Variants in SCN4B observed in about 807,000 individuals in gnomAD.
The protein encoded by SCN4B is sodium voltage-gated channel beta subunit 4.
In SCN4B, 20 loss-of-function variants were observed where a neutral mutation model predicts 19.6. That is an observed-to-expected ratio of 1.02 (90% confidence interval 0.72 to 1.48). SCN4B has a LOEUF of 1.48. SCN4B is among the 40% of genes most tolerant of loss of function. The pLI is 0.00. For synonymous variants in SCN4B, 127 were observed against 122.8 expected (o/e 1.03, Z -0.22); for missense variants, 271 against 287.5 (o/e 0.94, Z 0.42).
intron 1 of SCN4B, among the ~76,000 whole-genome samples, chr11:118,151,716 A>G (rs939739652): frequency 6.6e-6 from 1 of 152,216 alleles, no homozygotes; most frequent in Non-Finnish European, 1.5e-5. Flanking sequence ...AATCTGACCA[A>G]TATAAACAGG....
rs1173559221 is a variant in SCN4B at position 118,136,396 on chromosome 11, G to C, written c.*631C>G. ...GACCAGGGTGGCCAGCCCTGGTTGA[G>C]AGGGCTTAAAAACTCTGAGCAGGGG... On this transcript the variant is annotated 3_prime_UTR_variant, in exon 5 of 5. Coordinates refer to ENST00000324727, the MANE Select transcript of SCN4B (RefSeq NM_174934.4). 6.6e-6 allele frequency: 3 copies of C among 453,598 alleles called. No individual in the cohort carries two copies. Among genetic ancestry groups the C allele is most frequent in the Admixed American group, 2.4e-5 (1 of 42,536 alleles). The allele number at this position is 453,598 out of a possible 1,614,324, so 28.1% of individuals were successfully genotyped here.
At chr11:118,151,592 A>G (rs1202605276) in intron 1 of SCN4B, among the ~76,000 whole-genome samples, 1 of 152,234 alleles carries the variant, frequency 6.6e-6, no homozygotes, top group Non-Finnish European at 1.5e-5. Context: ...ATCTGCACAC[A>G]GTTTACATTC....
rs930389846 is a variant in SCN4B at position 118,133,714 on chromosome 11, T to C, written c.*3313A>G. The C allele has an allele frequency of 2.2e-6, 1 of 454,546 alleles. No individual in the cohort carries two copies. Among genetic ancestry groups the C allele is most frequent in the Non-Finnish European group, 4.4e-6 (1 of 226,782 alleles). 28.2% of individuals were successfully genotyped at this position (454,546 alleles called of 1,614,324 possible). A position where few individuals can be genotyped will look rare whatever the true frequency, so the allele number is the denominator to read the frequency against. On this transcript the variant is annotated 3_prime_UTR_variant, in exon 5 of 5. Coordinates refer to ENST00000324727, the MANE Select transcript of SCN4B (RefSeq NM_174934.4). The stretch of plus-strand genomic sequence containing the variant: ...GACTCCAACCTGGGACAAAGTAAAG[T>C]AAAGCAAGTTATAGGATTTTCCCGA...
chr11:118,149,016 C>G (rs1448320339), intron 1 of SCN4B, among the ~76,000 whole-genome samples: 1 of 152,224 alleles, frequency 6.6e-6, no homozygotes, highest in African/African-American at 2.4e-5. Flanking sequence ...AAAAGCCACT[C>G]TCAGAGCAGC....
At chr11:118,150,973 C>T (rs1948228006) in intron 1 of SCN4B, among the ~76,000 whole-genome samples, 1 of 152,196 alleles carries the variant, frequency 6.6e-6, no homozygotes, top group Non-Finnish European at 1.5e-5. Flanking sequence ...TCCTGGGCTC[C>T]CAAAGGGTAG....
At chr11:118,140,966 T>C (rs1369528505) in intron 4 of SCN4B, among the ~76,000 whole-genome samples, 1 of 152,008 alleles carries the variant, frequency 6.6e-6, no homozygotes, top group Non-Finnish European at 1.5e-5. Flanking sequence ...GAAGAGCAAG[T>C]GGCTGGCGTT....
chr11:118,147,858 T>C (rs1948197096), intron 1 of SCN4B, among the ~76,000 whole-genome samples: 2 of 152,150 alleles, frequency 1.3e-5, no homozygotes, highest in Admixed American at 6.5e-5. Flanking sequence ...CTGGAGGAGA[T>C]GGGGGAACTC....
chr11:118,140,892 C>A (rs979950261), intron 4 of SCN4B, among the ~76,000 whole-genome samples: 1 of 152,176 alleles, frequency 6.6e-6, no homozygotes, highest in Non-Finnish European at 1.5e-5. Flanking sequence ...TGGTAAGGCT[C>A]TCGGTTGGGT....
At chr11:118,144,592 C>A (rs1948144131) in intron 2 of SCN4B, among the ~76,000 whole-genome samples, 1 of 152,154 alleles carries the variant, frequency 6.6e-6, no homozygotes, top group African/African-American at 2.4e-5. Context: ...TGAGTACAAT[C>A]TAGTGAGTTC....
Position 118,134,697 on chromosome 11 carries a change from A to T in SCN4B, c.*2330T>A, listed in dbSNP as rs1445145488. 2.0e-5 allele frequency: 9 copies of T among 454,006 alleles called. No homozygotes were observed. The highest frequency in any genetic ancestry group is 6.2e-5 in the South Asian group (4 of 64,474). The allele number at this position is 454,006 out of a possible 1,614,324, so 28.1% of individuals were successfully genotyped here. A position where few individuals can be genotyped will look rare whatever the true frequency, so the allele number is the denominator to read the frequency against. On this transcript the variant is annotated 3_prime_UTR_variant, in exon 5 of 5. Coordinates refer to ENST00000324727, the MANE Select transcript of SCN4B (RefSeq NM_174934.4). ...GTGGGATGGAAAGAAAGAGAGAGAG[A>T]GTGTGTGTGTCTGTATGTGGGTTGT...
chr11:118,152,465 A>AG, intron 1 of SCN4B, 148 bp downstream of exon 1: 1 of 677,900 alleles, frequency 1.5e-6, no homozygotes, highest in East Asian at 2.8e-5. Context: ...TGAACCAGGC[A>AG]GGAACCAGGC....
At chr11:118,152,522 C>T in intron 1 of SCN4B, 91 bp downstream of exon 1, 2 of 1,138,004 alleles carry the variant, frequency 1.8e-6, no homozygotes, top group South Asian at 1.3e-5. Flanking sequence ...ACTCCAAAGC[C>T]CACCCCATCC....
intron 3 of SCN4B, among the ~76,000 whole-genome samples, chr11:118,142,159 C>T (rs1948107072): frequency 6.6e-6 from 1 of 152,232 alleles, no homozygotes; most frequent in Non-Finnish European, 1.5e-5. Flanking sequence ...CTATTCTTGG[C>T]ATAGGGGCCT....
In SCN4B at chr11:118,143,861, G is replaced by A. The variant is rs1034169460; in HGVS notation, c.435C>T (p.Ala145=). The A allele has an allele frequency of 8.1e-6, 13 of 1,612,736 alleles. No homozygotes were observed. Among genetic ancestry groups the A allele is most frequent in the Non-Finnish European group, 1.1e-5 (13 of 1,179,980 alleles). Residue 145 remains alanine (A), a synonymous_variant, in exon 3 of 5, where the codon GCC becomes GCT. Transcript: ENST00000324727. ...TATCAACGACTTGGAGGAAGATGGT[G>A]GCGTGGTGCTGGAGATTATTCTCCT... is the stretch of plus-strand genomic sequence containing the variant. ...NPKENNLQHH[A]TIFLQVVDRL...
At chr11:118,139,768 T>C (rs181193488) in intron 4 of SCN4B, among the ~76,000 whole-genome samples, 4 of 152,326 alleles carry the variant, frequency 2.6e-5, no homozygotes, top group Admixed American at 2.0e-4. Flanking sequence ...ATGGGTAGTG[T>C]ATAAAATTGC....
chr11:118,138,421 T>C (rs1948051991), intron 4 of SCN4B, among the ~76,000 whole-genome samples: 2 of 152,174 alleles, frequency 1.3e-5, no homozygotes, highest in South Asian at 4.1e-4. Flanking sequence ...ATGTTAGTAA[T>C]AACAATGAAC....
At position 118,137,062 on chromosome 11, in the gene SCN4B, A is replaced by G; in HGVS notation, c.652T>C (p.Ser218Pro). 1 of 1,613,956 alleles carries G rather than the reference A, an allele frequency of 6.2e-7. No individual in the cohort carries two copies. The highest frequency in any genetic ancestry group is 2.2e-5 in the East Asian group (1 of 44,872). The change falls in exon 5 of 5, where the codon TCC (serine) becomes CCC (proline). Residue 218 changes from serine to proline, a missense_variant. Ser to Pro is a moderately conservative substitution (Grantham distance 74). Coordinates refer to ENST00000324727, the MANE Select transcript of SCN4B (RefSeq NM_174934.4). Reference sequence around the variant, plus strand: ...GAAGGTGGTTTCTCCTCTGCCTTGGAGCCAGGCAAGCCGTTCTCCGTGTTG... The same window carrying G: ...GAAGGTGGTTTCTCCTCTGCCTTGGGGCCAGGCAAGCCGTTCTCCGTGTTG... ...NDNTENGLPG[S>P]KAEEKPPSKV
At position 118,143,981 on chromosome 11, in the gene SCN4B, G is replaced by A; in HGVS notation, c.315C>T (p.Gly105=). The A allele has an allele frequency of 6.2e-7, 1 of 1,614,098 alleles. No homozygotes were observed. The highest frequency in any genetic ancestry group is 8.5e-7 in the Non-Finnish European group (1 of 1,179,948). Residue 105 remains glycine (G), a synonymous_variant, in exon 3 of 5, where the codon GGC becomes GGT. Transcript: ENST00000324727. ...TGTTGTTCATCTTCTCCTTAGTAGA[G>A]CCTACCAGAGTGATGCGGTCATCGT... ...LKDDDRITLV[G]STKEKMNNIS... is the part of the protein sequence containing the mutation.
chr11:118,141,428 G>T, intron 3 of SCN4B, 92 bp from the exon 4 acceptor site: 1 of 1,512,692 alleles, frequency 6.6e-7, no homozygotes. Flanking sequence ...GGGCCATGTA[G>T]CCTCCACCCC....
Sources: gnomAD v4.1 joint callset for allele counts (sites outside exome capture counted in the v4.1 genomes callset) on GRCh38, gnomAD v4.1.1 for gene constraint, MANE v1.5 for transcripts, NCBI Gene and HGNC (gene_info 2026-07-23, HGNC 2026-07-21) for gene names.